Variants in H2BC11 observed in about 807,000 individuals in gnomAD.
H2BC11 encodes the protein H2B clustered histone 11, also known as histone H2B type 1-J.
Under a neutral mutation model 6.0 loss-of-function variants are expected in H2BC11, and 7 were observed. The ratio of observed to expected loss-of-function variants is 1.16; its 90% confidence interval spans 0.66 to 2.19. The LOEUF (loss-of-function observed/expected upper bound fraction) is 2.19. H2BC11 is among the 30% of genes most tolerant of loss of function. H2BC11 has a pLI of 0.00. For synonymous variants in H2BC11, 127 were observed against 72.0 expected, an observed-to-expected ratio of 1.77 and a Z score of -3.87; for missense variants, 215 against 170.3, an observed-to-expected ratio of 1.26 and a Z score of -1.46.
rs761154389 is a variant in H2BC11, at chr6:27,132,342, G to A, written c.*28C>T. On this transcript the variant is annotated 3_prime_UTR_variant, in exon 1 of 1. Transcript: ENST00000339812. Reference sequence around the variant, plus strand: ...GGGTGGCTCTTAAAAGAGCCGTTAGGGTTGAGAGTTTGCAACCAACTCACT... The same window carrying A: ...GGGTGGCTCTTAAAAGAGCCGTTAGAGTTGAGAGTTTGCAACCAACTCACT... The A allele has an allele frequency of 1.7e-5, 28 of 1,613,630 alleles. No homozygotes were observed. The highest frequency in any genetic ancestry group is 3.3e-4 in the Middle Eastern group (2 of 6,082).
chr6:27,132,754 A>G lies in H2BC11; in HGVS notation c.-4T>C. The G allele has an allele frequency of 1.2e-6, 2 of 1,612,500 alleles. No individual in the cohort carries two copies. Among genetic ancestry groups the G allele is most frequent in the Non-Finnish European group, 1.7e-6 (2 of 1,179,622 alleles). ...CAGACTTCGCTGGCTCTGGCATAGC[A>G]CTGTGTAGCTATAAAGCGCCAACGA... On this transcript the variant is annotated 5_prime_UTR_variant, in exon 1 of 1. Transcript: ENST00000339812.
chr6:27,132,741 G>C lies in H2BC11; in HGVS notation c.10C>G (p.Pro4Ala). MPEPAKSAPAPKKG... is the reference protein window; with the variant it reads MPEAAKSAPAPKKG... ...TTCGGGGCGGGAGCAGACTTCGCTG[G>C]CTCTGGCATAGCACTGTGTAGCTAT... The change falls in exon 1 of 1, where the codon CCA becomes GCA. Residue 4 changes from proline to alanine, a missense_variant. Physicochemically the swap from Pro to Ala is conservative, Grantham distance 27. Transcript: ENST00000339812. 1 of 1,614,038 alleles carries C rather than the reference G, an allele frequency of 6.2e-7. No individual in the cohort carries two copies. The highest frequency in any genetic ancestry group is 8.5e-7 in the Non-Finnish European group (1 of 1,179,996).
rs1243365447 is a variant in H2BC11 at position 27,132,428 on chromosome 6, G to A, written c.323C>T (p.Ala108Val). 1.2e-6 allele frequency: 2 copies of A among 1,614,050 alleles called. No homozygotes were observed. Among genetic ancestry groups the A allele is most frequent in the Admixed American group, 1.7e-5 (1 of 60,010 alleles). ...AVRLLLPGEL[A>V]KHAVSEGTKA... The stretch of plus-strand genomic sequence containing the variant: ...AGTACCCTCGGACACGGCGTGCTTG[G>A]CCAACTCCCCAGGCAGCAGCAGGCG... Residue 108 changes from alanine to valine, a missense_variant, in exon 1 of 1, where the codon GCC becomes GTC. Transcript: ENST00000339812.
Position 27,132,771 on chromosome 6 carries a change from C to A in H2BC11, c.-21G>T. Reference sequence around the variant, plus strand: ...GGCATAGCACTGTGTAGCTATAAAGCGCCAACGAAAAGGAAAAACAGCGTG... The same window carrying A: ...GGCATAGCACTGTGTAGCTATAAAGAGCCAACGAAAAGGAAAAACAGCGTG... On this transcript the variant is annotated 5_prime_UTR_variant, in exon 1 of 1. Coordinates refer to ENST00000339812, the MANE Select transcript of H2BC11 (RefSeq NM_021058.4). 1.3e-6 allele frequency: 2 copies of A among 1,596,850 alleles called. No individual in the cohort carries two copies. The highest frequency in any genetic ancestry group is 2.2e-5 in the East Asian group (1 of 44,758).
In H2BC11 at chr6:27,132,672, C is replaced by A. The variant is rs199559364; in HGVS notation, c.79G>T (p.Gly27Cys). The change falls in exon 1 of 1, where the codon GGC becomes TGC. Residue 27 changes from glycine (G) to cysteine (C), a missense_variant. Coordinates refer to ENST00000339812, the MANE Select transcript of H2BC11 (RefSeq NM_021058.4). ...KAVTKAQKKDGKKRKRSRKES... is the reference protein window; with the variant it reads ...KAVTKAQKKDCKKRKRSRKES... ...TTGCGGCTGCGCTTGCGCTTCTTGC[C>A]GTCTTTCTTCTGCGCCTTAGTCACC... The A allele has an allele frequency of 8.1e-6, 13 of 1,614,090 alleles. No homozygotes were observed. Among genetic ancestry groups the A allele is most frequent in the Admixed American group, 1.7e-5 (1 of 60,004 alleles).
Position 27,132,459 on chromosome 6 carries a change from C to G in H2BC11, c.292G>C (p.Ala98Pro). 1 of 1,614,238 alleles carries G rather than the reference C, an allele frequency of 6.2e-7. No homozygotes were observed. The highest frequency in any genetic ancestry group is 8.5e-7 in the Non-Finnish European group (1 of 1,180,042). ...STITSREIQT[A>P]VRLLLPGELA... Reference sequence around the variant, plus strand: ...TCCCCAGGCAGCAGCAGGCGCACGGCCGTCTGGATCTCCCTGGAGGTGATG... The same window carrying G: ...TCCCCAGGCAGCAGCAGGCGCACGGGCGTCTGGATCTCCCTGGAGGTGATG... The change falls in exon 1 of 1, where the codon GCC becomes CCC. Residue 98 changes from alanine (A) to proline (P), a missense_variant. Physicochemically the swap from Ala to Pro is conservative, Grantham distance 27. Coordinates refer to ENST00000339812, the MANE Select transcript of H2BC11 (RefSeq NM_021058.4).
Position 27,132,751 on chromosome 6 carries a change from AG to A in H2BC11, c.-2del. The A allele has an allele frequency of 1.2e-6, 2 of 1,612,454 alleles. No individual in the cohort carries two copies. The highest frequency in any genetic ancestry group is 2.7e-5 in the African/African-American group (2 of 74,764). Reference sequence around the variant, plus strand: ...GAGCAGACTTCGCTGGCTCTGGCATAGCACTGTGTAGCTATAAAGCGCCAAC... The same window carrying A: ...GAGCAGACTTCGCTGGCTCTGGCATACACTGTGTAGCTATAAAGCGCCAAC... On this transcript the variant is annotated 5_prime_UTR_variant, in exon 1 of 1. Transcript: ENST00000339812.
Position 27,132,591 on chromosome 6 carries a change from C to G in H2BC11, c.160G>C (p.Gly54Arg). 1 of 1,614,178 alleles carries G rather than the reference C, an allele frequency of 6.2e-7. No individual in the cohort carries two copies. Among genetic ancestry groups the G allele is most frequent in the Non-Finnish European group, 8.5e-7 (1 of 1,180,030 alleles). ...KVLKQVHPDT[G>R]ISSKAMGIMN... ...ATGCCCATGGCCTTGGACGAAATGC[C>G]GGTGTCAGGGTGGACCTGCTTCAGA... The change falls in exon 1 of 1, where the codon GGC becomes CGC. Residue 54 changes from glycine (G) to arginine (R), a missense_variant. Gly to Arg is a moderately radical substitution (Grantham distance 125). Coordinates refer to ENST00000339812, the MANE Select transcript of H2BC11 (RefSeq NM_021058.4).
chr6:27,132,373 C>T lies in H2BC11; in HGVS notation c.378G>A (p.Lys126=), dbSNP rs539076165. 5 of 1,614,190 alleles carry T rather than the reference C, an allele frequency of 3.1e-6. No homozygotes were observed. The highest frequency in any genetic ancestry group is 4.2e-6 in the Non-Finnish European group (5 of 1,180,036). The change falls in exon 1 of 1, where the codon AAG becomes AAA. Residue 126 remains lysine (K), a synonymous_variant. Coordinates refer to ENST00000339812, the MANE Select transcript of H2BC11 (RefSeq NM_021058.4). ...GAGTTTGCAACCAACTCACTGTTTA[C>T]TTAGCGCTGGTGTACTTGGTGACGG... ...TKAVTKYTSA[K] is the part of the protein sequence containing the mutation.
chr6:27,132,364 C>G lies in H2BC11; in HGVS notation c.*6G>C, dbSNP rs1759847830. ...TAGGGTTGAGAGTTTGCAACCAACT[C>G]ACTGTTTACTTAGCGCTGGTGTACT... On this transcript the variant is annotated 3_prime_UTR_variant, in exon 1 of 1. Transcript: ENST00000339812. The G allele has an allele frequency of 6.2e-7, 1 of 1,614,012 alleles. No homozygotes were observed. Among genetic ancestry groups the G allele is most frequent in the African/African-American group, 1.3e-5 (1 of 74,910 alleles).
rs1438283012 is a variant in H2BC11 at position 27,132,614 on chromosome 6, A to T, written c.137T>A (p.Leu46Gln). 1.9e-6 allele frequency: 3 copies of T among 1,614,236 alleles called. No individual in the cohort carries two copies. Among genetic ancestry groups the T allele is most frequent in the Admixed American group, 1.7e-5 (1 of 60,018 alleles). Reference sequence around the variant, plus strand: ...GCCGGTGTCAGGGTGGACCTGCTTCAGAACCTTGTACACATAGATGGAATA... The same window carrying T: ...GCCGGTGTCAGGGTGGACCTGCTTCTGAACCTTGTACACATAGATGGAATA... ...ESYSIYVYKV[L>Q]KQVHPDTGIS... is the part of the protein sequence containing the mutation. The change falls in exon 1 of 1, where the codon CTG becomes CAG. Residue 46 changes from leucine to glutamine, a missense_variant. Leu to Gln is a moderately radical substitution (Grantham distance 113). Coordinates refer to ENST00000339812, the MANE Select transcript of H2BC11 (RefSeq NM_021058.4).
chr6:27,132,706 G>A lies in H2BC11; in HGVS notation c.45C>T (p.Ser15=), dbSNP rs115912638. 4.5e-4 allele frequency: 729 copies of A among 1,614,186 alleles called. 7 individuals are homozygous for A. In the East Asian group the frequency reaches 0.013, roughly 28 times the overall value. ...AKSAPAPKKG[S]KKAVTKAQKK... ...TCTGCGCCTTAGTCACCGCCTTCTT[G>A]GAGCCCTTTTTCGGGGCGGGAGCAG... is the stretch of plus-strand genomic sequence containing the variant. Residue 15 remains serine (S), a synonymous_variant, in exon 1 of 1, where the codon TCC becomes TCT. Transcript: ENST00000339812.
In H2BC11 at chr6:27,132,365, ACT is replaced by A. The variant is rs1208214849; in HGVS notation, c.*3_*4del. 13 of 1,614,090 alleles carry A rather than the reference ACT, an allele frequency of 8.1e-6. No individual in the cohort carries two copies. The highest frequency in any genetic ancestry group is 1.1e-5 in the Non-Finnish European group (13 of 1,180,006). On this transcript the variant is annotated 3_prime_UTR_variant, in exon 1 of 1. Transcript: ENST00000339812. Reference sequence around the variant, plus strand: ...AGGGTTGAGAGTTTGCAACCAACTCACTGTTTACTTAGCGCTGGTGTACTTGG... The same window carrying A: ...AGGGTTGAGAGTTTGCAACCAACTCAGTTTACTTAGCGCTGGTGTACTTGG...
rs1039558351 is a variant in H2BC11, at chr6:27,132,365, A to G, written c.*5T>C. The G allele has an allele frequency of 1.9e-6, 3 of 1,613,972 alleles. No individual in the cohort carries two copies. The African/African-American group carries it at 4.0e-5, about 22-fold the overall frequency. ...AGGGTTGAGAGTTTGCAACCAACTC[A>G]CTGTTTACTTAGCGCTGGTGTACTT... On this transcript the variant is annotated 3_prime_UTR_variant, in exon 1 of 1. Coordinates refer to ENST00000339812, the MANE Select transcript of H2BC11 (RefSeq NM_021058.4).
chr6:27,132,550 C>CA lies in H2BC11; in HGVS notation c.200dup (p.Asn68GlufsTer10), dbSNP rs745850373. 1.2e-6 allele frequency: 2 copies of CA among 1,614,228 alleles called. No individual in the cohort carries two copies. The highest frequency in any genetic ancestry group is 1.7e-6 in the Non-Finnish European group (2 of 1,180,046). On this transcript the variant is annotated frameshift_variant, in exon 1 of 1. Coordinates refer to ENST00000339812, the MANE Select transcript of H2BC11 (RefSeq NM_021058.4). LOFTEE classifies it high-confidence loss of function. Reference sequence around the variant, plus strand: ...CTGCGATGCGCTCGAAAATGTCGTTCACAAACGAATTCATGATGCCCATGG... The same window carrying CA: ...CTGCGATGCGCTCGAAAATGTCGTTCAACAAACGAATTCATGATGCCCATGG...
rs1484514054 is a variant in H2BC11, at chr6:27,132,343, G to A, written c.*27C>T. On this transcript the variant is annotated 3_prime_UTR_variant, in exon 1 of 1. Coordinates refer to ENST00000339812, the MANE Select transcript of H2BC11 (RefSeq NM_021058.4). Reference sequence around the variant, plus strand: ...GGTGGCTCTTAAAAGAGCCGTTAGGGTTGAGAGTTTGCAACCAACTCACTG... The same window carrying A: ...GGTGGCTCTTAAAAGAGCCGTTAGGATTGAGAGTTTGCAACCAACTCACTG... The A allele has an allele frequency of 1.2e-6, 2 of 1,613,860 alleles. No individual in the cohort carries two copies. Among genetic ancestry groups the A allele is most frequent in the Non-Finnish European group, 1.7e-6 (2 of 1,179,842 alleles).
In H2BC11 at chr6:27,132,433, C is replaced by T. The variant is rs780732640; in HGVS notation, c.318G>A (p.Glu106=). 8 of 1,614,218 alleles carry T rather than the reference C, an allele frequency of 5.0e-6. No homozygotes were observed. The Admixed American group carries it at 1.0e-4, about 20-fold the overall frequency. Residue 106 remains glutamate, a synonymous_variant, in exon 1 of 1, where the codon GAG becomes GAA. Coordinates refer to ENST00000339812, the MANE Select transcript of H2BC11 (RefSeq NM_021058.4). ...CCTCGGACACGGCGTGCTTGGCCAA[C>T]TCCCCAGGCAGCAGCAGGCGCACGG... ...QTAVRLLLPG[E]LAKHAVSEGT...
rs114929382 is a variant in H2BC11, at chr6:27,132,724, G to A, written c.27C>T (p.Pro9=). Residue 9 remains proline (P), a synonymous_variant, in exon 1 of 1, where the codon CCC becomes CCT. Transcript: ENST00000339812. ...CCTTCTTGGAGCCCTTTTTCGGGGC[G>A]GGAGCAGACTTCGCTGGCTCTGGCA... The part of the protein sequence containing the change: MPEPAKSA[P]APKKGSKKAV... The A allele has an allele frequency of 4.9e-5, 79 of 1,614,034 alleles. No homozygotes were observed. The East Asian group carries it at 1.4e-3, about 28-fold the overall frequency.
In H2BC11 at chr6:27,132,766, T is replaced by TA; in HGVS notation, c.-17dup. The TA allele has an allele frequency of 6.3e-7, 1 of 1,599,884 alleles. No individual in the cohort carries two copies. The highest frequency in any genetic ancestry group is 1.8e-5 in the Admixed American group (1 of 55,252). ...GCTCTGGCATAGCACTGTGTAGCTA[T>TA]AAAGCGCCAACGAAAAGGAAAAACA... On this transcript the variant is annotated 5_prime_UTR_variant, in exon 1 of 1. Coordinates refer to ENST00000339812, the MANE Select transcript of H2BC11 (RefSeq NM_021058.4).
Sources: gnomAD v4.1 joint callset for allele counts on GRCh38, gnomAD v4.1.1 for gene constraint, MANE v1.5 for transcripts, NCBI Gene and HGNC (gene_info 2026-07-23, HGNC 2026-07-21) for gene names.